TMEM117: variants seen among roughly 807,000 people sequenced by gnomAD.
The protein encoded by TMEM117 is transmembrane protein 117.
A neutral mutation model predicts 52.4 loss-of-function variants in TMEM117; 27 were observed. That is an observed-to-expected ratio of 0.51 (90% confidence interval 0.38 to 0.71). The LOEUF is 0.71. Ranked by LOEUF, TMEM117 falls within the 30% of genes least tolerant of loss-of-function variation. The pLI is 0.00. For synonymous variants in TMEM117, 215 were observed against 206.3 expected (o/e 1.04, Z -0.36); for missense variants, 556 against 630.5 (o/e 0.88, Z 1.26).
At chr12:44,006,734 T>A (rs529709935) in intron 3 of TMEM117, among the ~76,000 whole-genome samples, 2 of 152,274 alleles carry the variant, frequency 1.3e-5, no homozygotes, top group South Asian at 4.1e-4. Flanking sequence ...ATCTCATAGC[T>A]CCACTTTCAT....
At chr12:44,321,081 T>G (rs943913363) in intron 6 of TMEM117, among the ~76,000 whole-genome samples, 1 of 152,240 alleles carries the variant, frequency 6.6e-6, no homozygotes, top group East Asian at 1.9e-4. Context: ...AGATAAATTT[T>G]CTATGTGATA....
chr12:44,395,101 G>C, the TMEM117 span, among the ~76,000 whole-genome samples: 1 of 152,152 alleles, frequency 6.6e-6, no homozygotes, highest in East Asian at 1.9e-4. Flanking sequence ...ATGAGACGAA[G>C]AGCAATGGCC....
intron 4 of TMEM117, among the ~76,000 whole-genome samples, chr12:44,152,679 T>A (rs1200264600): frequency 7.5e-6 from 1 of 133,724 alleles, no homozygotes; most frequent in South Asian, 2.2e-4. Flanking sequence ...AATTTTTATA[T>A]ATATAATATT....
Position 43,895,487 on chromosome 12 carries a change from A to C in TMEM117, c.278-48723A>C, listed in dbSNP as rs140855321. 2.1e-3 allele frequency among the ~76,000 whole-genome samples: 313 copies of C among 152,312 alleles called. 1 individual carries two copies. Among genetic ancestry groups the C allele is most frequent in the African/African-American group, 6.9e-3 (285 of 41,560 alleles). Reference sequence around the variant, plus strand: ...CGTGCATGTGTCTTGTTATATTTGAATAGTTTTACAGTTTATAAATGAATT... The same window carrying C: ...CGTGCATGTGTCTTGTTATATTTGACTAGTTTTACAGTTTATAAATGAATT... On this transcript the variant is annotated intron_variant, in intron 2 of 7. Coordinates refer to ENST00000266534, the MANE Select transcript of TMEM117 (RefSeq NM_032256.3).
chr12:44,360,642 G>T (rs1479852038), intron 6 of TMEM117, among the ~76,000 whole-genome samples: 1 of 147,084 alleles, frequency 6.8e-6, no homozygotes, highest in African/African-American at 2.4e-5. Context: ...ACATATTGAT[G>T]TGTAAGGTAA....
At chr12:44,315,676 G>A (rs1397992742) in intron 6 of TMEM117, among the ~76,000 whole-genome samples, 4 of 152,094 alleles carry the variant, frequency 2.6e-5, no homozygotes, top group African/African-American at 9.7e-5. Flanking sequence ...GAGCACTATT[G>A]TGTGGTGGGC....
At chr12:44,280,250 T>C (rs942839455) in intron 5 of TMEM117, among the ~76,000 whole-genome samples, 5 of 152,208 alleles carry the variant, frequency 3.3e-5, no homozygotes, top group African/African-American at 9.6e-5. Flanking sequence ...GTTCATAAAT[T>C]TAACAATCAG....
the TMEM117 span, among the ~76,000 whole-genome samples, chr12:43,824,292 C>T: frequency 6.6e-6 from 1 of 152,312 alleles, no homozygotes; most frequent in South Asian, 2.1e-4. Context: ...AGGGACTTGC[C>T]AGGATTCATT....
At chr12:43,954,216 G>A (rs1294257810) in intron 3 of TMEM117, among the ~76,000 whole-genome samples, 1 of 152,116 alleles carries the variant, frequency 6.6e-6, no homozygotes, top group Non-Finnish European at 1.5e-5. Flanking sequence ...ATCTCAAATT[G>A]ACACCCTAAC....
chr12:43,943,916 A>G (rs1290653628), intron 2 of TMEM117, among the ~76,000 whole-genome samples: 1 of 152,212 alleles, frequency 6.6e-6, no homozygotes, highest in Non-Finnish European at 1.5e-5. Context: ...TAGGGCTGTA[A>G]TTCATCTTGT....
intron 3 of TMEM117, among the ~76,000 whole-genome samples, chr12:44,073,119 C>G (rs1000742446): frequency 5.3e-5 from 8 of 151,954 alleles, no homozygotes; most frequent in Non-Finnish European, 1.0e-4. Context: ...AAAAAACAAC[C>G]CACATTGTCT....
At chr12:43,928,601 TTTA>T (rs1193210219) in intron 2 of TMEM117, among the ~76,000 whole-genome samples, 1 of 152,082 alleles carries the variant, frequency 6.6e-6, no homozygotes, top group African/African-American at 2.4e-5. Flanking sequence ...TTATTTATTT[TTTA>T]TTATTATACT....
chr12:44,086,214 CTT>C (rs772258917), intron 3 of TMEM117, among the ~76,000 whole-genome samples: 1,398 of 125,308 alleles, frequency 0.011, 8 homozygotes, highest in African/African-American at 0.018. Context: ...GCTTCCAAGT[CTT>C]TTTTTTTTTT....
chr12:44,299,506 C>T (rs1420341125), intron 5 of TMEM117, 74 bp from the exon 6 acceptor site: 2 of 1,541,810 alleles, frequency 1.3e-6, no homozygotes, highest in East Asian at 2.3e-5. Flanking sequence ...TTTAATACAA[C>T]ACAGATAACA....
chr12:44,082,190 T>C (rs1227284546), intron 3 of TMEM117, among the ~76,000 whole-genome samples: 2 of 151,992 alleles, frequency 1.3e-5, no homozygotes, highest in Non-Finnish European at 2.9e-5. Flanking sequence ...GTACCCATGT[T>C]ATTTATAAGC....
At chr12:44,359,297 A>G (rs576329736) in intron 6 of TMEM117, among the ~76,000 whole-genome samples, 39 of 152,234 alleles carry the variant, frequency 2.6e-4, no homozygotes, top group African/African-American at 7.2e-4. Context: ...AATTAAAATA[A>G]TATACAAATA....
chr12:43,925,983 C>G (rs1457466727), intron 2 of TMEM117, among the ~76,000 whole-genome samples: 1 of 152,172 alleles, frequency 6.6e-6, no homozygotes, highest in African/African-American at 2.4e-5. Context: ...ATGTGCAACA[C>G]AGAACATATT....
chr12:43,940,214 C>G (rs1051474590), intron 2 of TMEM117, among the ~76,000 whole-genome samples: 4 of 152,186 alleles, frequency 2.6e-5, no homozygotes, highest in Non-Finnish European at 5.9e-5. Context: ...AGCCCTCGGT[C>G]TATCTGATCC....
At chr12:43,912,534 T>TATATATATATATATATATATATAA (rs1239034268) in intron 2 of TMEM117, among the ~76,000 whole-genome samples, 30 of 130,072 alleles carry the variant, frequency 2.3e-4, no homozygotes, top group African/African-American at 8.6e-4. Context: ...TATATATATA[T>TATATATATATATATATATATATAA]ATGGCAGAAT....
Sources: gnomAD v4.1 joint callset for allele counts (sites outside exome capture counted in the v4.1 genomes callset) on GRCh38, gnomAD v4.1.1 for gene constraint, MANE v1.5 for transcripts, NCBI Gene and HGNC (gene_info 2026-07-23, HGNC 2026-07-21) for gene names.